SAXO1: variants seen among roughly 807,000 people sequenced by gnomAD.
SAXO1 encodes stabilizer of axonemal microtubules 1.
A neutral mutation model predicts 17.5 loss-of-function variants in SAXO1; 21 were observed. The observed-to-expected ratio is 1.20, with a 90% CI of 0.85 to 1.72. SAXO1 has a LOEUF of 1.72. SAXO1 is among the 40% of genes most tolerant of loss of function. SAXO1 has a pLI of 0.00. For synonymous variants in SAXO1, 274 were observed against 216.5 expected, an observed-to-expected ratio of 1.27 and a Z score of -2.33; for missense variants, 843 against 596.0, an observed-to-expected ratio of 1.41 and a Z score of -4.32.
chr9:19,037,291 G>A (rs10811105), upstream of SAXO1, among the ~76,000 whole-genome samples: 27,310 of 152,114 alleles, frequency 0.18, 3,652 homozygotes, highest in African/African-American at 0.38. Context: ...ACTTTGGAGG[G>A]ACTGTTGGGA....
Position 18,950,862 on chromosome 9 carries a change from G to A in SAXO1, c.114C>T (p.Thr38=), listed in dbSNP as rs777046523. 94 of 1,613,512 alleles carry A rather than the reference G, an allele frequency of 5.8e-5. No individual in the cohort carries two copies. The highest frequency in any genetic ancestry group is 1.7e-4 in the Middle Eastern group (1 of 6,042). ...TEKPCLLSEY[T]ENYPFYHSYL... is the part of the protein sequence containing the mutation. ...AGGAGTGATAGAAAGGGTAGTTCTC[G>A]GTATATTCGGAGAGAAGACATGGTT... The change falls in exon 2 of 4, where the codon ACC becomes ACT. Residue 38 remains threonine (T), a synonymous_variant. Coordinates refer to ENST00000380534, the MANE Select transcript of SAXO1 (RefSeq NM_153707.4).
intron 2 of SAXO1, among the ~76,000 whole-genome samples, chr9:18,942,046 T>A (rs73648807): frequency 0.12 from 15,374 of 123,932 alleles, 1,237 homozygotes; most frequent in African/African-American, 0.38. Context: ...ACACCTGTAT[T>A]CATCTTTGAC....
chr9:18,976,408 G>A (rs1368388764), intron 1 of SAXO1, among the ~76,000 whole-genome samples: 2 of 152,220 alleles, frequency 1.3e-5, no homozygotes, highest in African/African-American at 4.8e-5. Context: ...CCTTCTGCGT[G>A]TGGGTCTGTG....
chr9:19,008,860 T>A (rs1834601357), intron 1 of SAXO1, among the ~76,000 whole-genome samples: 1 of 152,196 alleles, frequency 6.6e-6, no homozygotes, highest in African/African-American at 2.4e-5. Context: ...ATACCTGTTC[T>A]CTGGGAGCCC....
At chr9:19,036,671 C>T (rs536178147), upstream of SAXO1, among the ~76,000 whole-genome samples, 23 of 152,220 alleles carry the variant, frequency 1.5e-4, no homozygotes, top group Middle Eastern at 3.4e-3. Flanking sequence ...TGGGAATCTC[C>T]GCCTAGATTT....
chr9:19,045,330 A>G (rs1420783923), intron 1 of SAXO1, among the ~76,000 whole-genome samples: 2 of 101,144 alleles, frequency 2.0e-5, no homozygotes, highest in African/African-American at 1.3e-4. Flanking sequence ...AAAAAAAAAA[A>G]AAAAAAAAAA....
intron 1 of SAXO1, among the ~76,000 whole-genome samples, chr9:18,976,912 A>C (rs73645553): frequency 0.025 from 3,845 of 152,338 alleles, 157 homozygotes; most frequent in African/African-American, 0.085. Context: ...GAACGACCCC[A>C]CAAAACCACA....
intron 2 of SAXO1, 152 bp downstream of exon 2, chr9:18,950,606 G>C: frequency 1.6e-6 from 1 of 625,968 alleles, no homozygotes; most frequent in South Asian, 4.3e-5. Context: ...TATTCCTTCA[G>C]AGATATAGTA....
intron 1 of SAXO1, among the ~76,000 whole-genome samples, chr9:18,994,120 G>A (rs1319666162): frequency 6.6e-6 from 1 of 152,146 alleles, no homozygotes; most frequent in Non-Finnish European, 1.5e-5. Context: ...AATAAAACAG[G>A]TTACTGTAGC....
intron 2 of SAXO1, among the ~76,000 whole-genome samples, chr9:18,942,369 G>A (rs1831602256): frequency 6.6e-6 from 1 of 152,000 alleles, no homozygotes; most frequent in African/African-American, 2.4e-5. Flanking sequence ...CACCCCACCT[G>A]AAAACCCTGC....
intron 1 of SAXO1, among the ~76,000 whole-genome samples, chr9:18,967,746 G>C: frequency 6.6e-6 from 1 of 152,036 alleles, no homozygotes; most frequent in African/African-American, 2.4e-5. Context: ...CTTTCCACGG[G>C]AGTGAATGAT....
intron 1 of SAXO1, among the ~76,000 whole-genome samples, chr9:19,028,592 C>T (rs1005878063): frequency 6.6e-6 from 1 of 152,206 alleles, no homozygotes; most frequent in African/African-American, 2.4e-5. Flanking sequence ...ACTGTTTCTG[C>T]AAACCACAAT....
chr9:18,993,769 G>C (rs1452172826), intron 1 of SAXO1, among the ~76,000 whole-genome samples: 21 of 152,142 alleles, frequency 1.4e-4, no homozygotes, highest in Admixed American at 1.4e-3. Flanking sequence ...TCTCATGTAA[G>C]CTACCATATT....
chr9:19,004,040 CA>C (rs1308412920), intron 1 of SAXO1, among the ~76,000 whole-genome samples: 2 of 150,870 alleles, frequency 1.3e-5, no homozygotes, highest in Admixed American at 1.3e-4. Flanking sequence ...AAATTTACAA[CA>C]AAAAAAACAA....
chr9:18,960,908 G>C (rs1370722372), intron 1 of SAXO1, among the ~76,000 whole-genome samples: 1 of 152,178 alleles, frequency 6.6e-6, no homozygotes, highest in East Asian at 1.9e-4. Context: ...CCCATTGAGA[G>C]TGAGAGAAGA....
At chr9:18,987,933 G>C (rs970567948) in intron 1 of SAXO1, among the ~76,000 whole-genome samples, 1 of 132,568 alleles carries the variant, frequency 7.5e-6, no homozygotes, top group Admixed American at 7.8e-5. Context: ...AAGAAAACCA[G>C]CTCTTCCTCT....
At chr9:18,950,436 C>T (rs1179544309) in intron 2 of SAXO1, among the ~76,000 whole-genome samples, 2 of 152,098 alleles carry the variant, frequency 1.3e-5, no homozygotes, top group Non-Finnish European at 1.5e-5. Context: ...TTTTCAGCAA[C>T]ATCCCCCACT....
intron 1 of SAXO1, chr9:19,028,166 G>T: frequency 1.4e-6 from 2 of 1,417,840 alleles, no homozygotes; most frequent in Admixed American, 3.5e-5. Flanking sequence ...ACTCGCGGCT[G>T]AAGTGCGCAA....
At chr9:18,981,492 G>A (rs1833382353) in intron 1 of SAXO1, among the ~76,000 whole-genome samples, 1 of 152,122 alleles carries the variant, frequency 6.6e-6, no homozygotes, top group African/African-American at 2.4e-5. Flanking sequence ...AAGAGGCCAG[G>A]CTAAAGCCCC....
Sources: allele counts gnomAD v4.1 joint callset (sites outside exome capture counted in the v4.1 genomes callset), GRCh38; gene constraint gnomAD v4.1.1; transcripts MANE v1.5; gene names NCBI Gene and HGNC (gene_info 2026-07-23, HGNC 2026-07-21).